Variants in ARSB observed in about 807,000 individuals in gnomAD.
The protein encoded by ARSB is arylsulfatase B.
In ARSB, 41 loss-of-function variants were observed where a neutral mutation model predicts 50.9. The observed-to-expected ratio is 0.81, with a 90% CI of 0.63 to 1.04. The LOEUF (loss-of-function observed/expected upper bound fraction) is 1.04. Ranked by LOEUF, ARSB falls within the 50% of genes least tolerant of loss-of-function variation. The probability of loss-of-function intolerance (pLI) is 0.00; values close to 1 mark genes in which losing one functional copy is unlikely to be tolerated. For synonymous variants in ARSB, 269 were observed against 284.8 expected, an observed-to-expected ratio of 0.94 and a Z score of 0.56; for missense variants, 672 against 693.3, an observed-to-expected ratio of 0.97 and a Z score of 0.35.
intron 5 of ARSB, among the ~76,000 whole-genome samples, chr5:78,855,449 A>C (rs73767453): frequency 0.037 from 5,625 of 152,268 alleles, 341 homozygotes; most frequent in African/African-American, 0.13. Context: ...GCTTGGCCCC[A>C]CAGGGGAGCA....
intron 6 of ARSB, among the ~76,000 whole-genome samples, chr5:78,833,886 C>T (rs1744806687): frequency 6.6e-6 from 1 of 152,194 alleles, no homozygotes; most frequent in East Asian, 1.9e-4. Context: ...CAGTTTCAAA[C>T]ATCTGTATAT....
intron 4 of ARSB, among the ~76,000 whole-genome samples, chr5:78,900,777 C>T (rs1340806912): frequency 2.6e-5 from 4 of 152,166 alleles, no homozygotes; most frequent in African/African-American, 7.2e-5. Flanking sequence ...CAGTAGCTCA[C>T]GCCTGTAATC....
At chr5:78,946,110 G>A (rs928454894) in intron 4 of ARSB, among the ~76,000 whole-genome samples, 1 of 152,236 alleles carries the variant, frequency 6.6e-6, no homozygotes. Flanking sequence ...AACAGATAAT[G>A]AAACCGAGGC....
intron 3 of ARSB, 114 bp downstream of exon 3, chr5:78,964,302 T>C: frequency 9.4e-7 from 1 of 1,062,452 alleles, no homozygotes; most frequent in Non-Finnish European, 1.4e-6. Context: ...TGAAAAGGAC[T>C]TCCCTAGAAT....
intron 6 of ARSB, among the ~76,000 whole-genome samples, chr5:78,837,738 T>C (rs896899408): frequency 2.6e-5 from 4 of 152,140 alleles, no homozygotes; most frequent in Admixed American, 6.5e-5. Flanking sequence ...ATCGGATGTA[T>C]ATATTCTACT....
At chr5:78,851,617 T>C (rs1371590748) in intron 5 of ARSB, among the ~76,000 whole-genome samples, 1 of 152,230 alleles carries the variant, frequency 6.6e-6, no homozygotes, top group Non-Finnish European at 1.5e-5. Context: ...GGTATCTTTG[T>C]TAACTTTCTG....
intron 6 of ARSB, among the ~76,000 whole-genome samples, chr5:78,837,917 G>T (rs1276447866): frequency 1.3e-5 from 2 of 152,268 alleles, no homozygotes; most frequent in African/African-American, 4.8e-5. Context: ...AAAAGAAATA[G>T]AAATTTCTCC....
At chr5:78,928,824 T>C (rs1292194183) in intron 4 of ARSB, among the ~76,000 whole-genome samples, 1 of 152,174 alleles carries the variant, frequency 6.6e-6, no homozygotes, top group Non-Finnish European at 1.5e-5. Flanking sequence ...TTATTTATTT[T>C]CCCTTCTATA....
Position 78,984,786 on chromosome 5 carries a change from G to A in ARSB, c.312+151C>T, listed in dbSNP as rs1043129923. On this transcript the variant is annotated intron_variant, in intron 1 of 7. Transcript: ENST00000264914. ...GCGGGCTGCCGGCCTGGAAGAGCGA[G>A]GTTGGGGCGAGAAGCCGCCGGGACC... 1.5e-5 allele frequency: 8 copies of A among 522,264 alleles called. No individual in the cohort carries two copies. The African/African-American group carries it at 1.6e-4, about 11-fold the overall frequency. The allele number at this position is 522,264 out of a possible 1,614,324, so 32.4% of individuals were successfully genotyped here.
At chr5:78,799,983 T>A (rs1743322189) in intron 6 of ARSB, among the ~76,000 whole-genome samples, 1 of 152,134 alleles carries the variant, frequency 6.6e-6, no homozygotes, top group Non-Finnish European at 1.5e-5. Context: ...AAGCAAACAA[T>A]CTGTGACAAA....
intron 1 of ARSB, 146 bp downstream of exon 1, chr5:78,984,791 G>C: frequency 1.8e-6 from 1 of 559,776 alleles, no homozygotes; most frequent in Non-Finnish European, 2.5e-6. Context: ...AGCGAGGTTG[G>C]GGCGAGAAGC....
chr5:78,878,296 T>G (rs1195894681), intron 5 of ARSB, among the ~76,000 whole-genome samples: 3 of 152,096 alleles, frequency 2.0e-5, no homozygotes, highest in African/African-American at 4.8e-5. Context: ...CAAGAAAATT[T>G]TATAAAGACA....
intron 6 of ARSB, among the ~76,000 whole-genome samples, chr5:78,808,848 G>A (rs935877283): frequency 2.0e-5 from 3 of 152,138 alleles, no homozygotes; most frequent in African/African-American, 7.2e-5. Context: ...CCCTCTGCTC[G>A]GGTCAACGAT....
intron 1 of ARSB, among the ~76,000 whole-genome samples, chr5:78,977,919 GAAAAT>G (rs1339389606): frequency 1.3e-5 from 2 of 152,090 alleles, no homozygotes; most frequent in Non-Finnish European, 2.9e-5. Context: ...ATGAACTACT[GAAAAT>G]AAAATTAAGA....
intron 3 of ARSB, among the ~76,000 whole-genome samples, chr5:78,958,279 GAGA>G (rs906628350): frequency 2.6e-5 from 4 of 152,110 alleles, no homozygotes; most frequent in East Asian, 1.9e-4. Flanking sequence ...ACAGCTTAAG[GAGA>G]AGATGTTCTC....
intron 1 of ARSB, among the ~76,000 whole-genome samples, chr5:78,984,712 G>C (rs1753070610): frequency 1.3e-5 from 2 of 152,162 alleles, no homozygotes; most frequent in South Asian, 4.1e-4. Flanking sequence ...CCCGGCGGCC[G>C]GGGCGCGGGT....
At chr5:78,951,956 G>A (rs1195701953) in intron 4 of ARSB, among the ~76,000 whole-genome samples, 1 of 152,138 alleles carries the variant, frequency 6.6e-6, no homozygotes. Flanking sequence ...CTTCTGAATT[G>A]ATGCAAAAAT....
chr5:78,806,246 A>ATTT (rs1743556103), intron 6 of ARSB, among the ~76,000 whole-genome samples: 2 of 152,240 alleles, frequency 1.3e-5, no homozygotes, highest in South Asian at 4.1e-4. Context: ...ATACAAAACA[A>ATTT]TAACAAAGTC....
intron 4 of ARSB, among the ~76,000 whole-genome samples, chr5:78,903,270 C>T (rs547253249): frequency 6.6e-6 from 1 of 152,290 alleles, no homozygotes; most frequent in East Asian, 1.9e-4. Context: ...AAAAATCCTA[C>T]ATTCAGGAAA....
Sources: allele counts gnomAD v4.1 joint callset (sites outside exome capture counted in the v4.1 genomes callset), GRCh38; gene constraint gnomAD v4.1.1; transcripts MANE v1.5; gene names NCBI Gene and HGNC (gene_info 2026-07-23, HGNC 2026-07-21).